CASR: variants seen among roughly 807,000 people sequenced by gnomAD.
CASR encodes the protein calcium sensing receptor, also known as extracellular calcium-sensing receptor.
CASR carries 23 observed loss-of-function variants against 69.1 expected under a neutral mutation model. The observed-to-expected ratio is 0.33, with a 90% CI of 0.24 to 0.47. CASR has a LOEUF of 0.47. Among genes scored for constraint, CASR ranks in the 20% least tolerant of loss-of-function variants. CASR has a pLI of 1.00. For synonymous variants in CASR, 541 were observed against 544.7 expected (o/e 0.99, Z 0.10); for missense variants, 924 against 1,356.1 (o/e 0.68, Z 5.00).
intron 3 of CASR, among the ~76,000 whole-genome samples, chr3:122,260,090 G>A (rs2074602214): frequency 1.3e-5 from 2 of 152,086 alleles, no homozygotes; most frequent in South Asian, 4.2e-4. Flanking sequence ...TTCCTAAGTG[G>A]TGAGCCATGA....
chr3:122,229,388 C>T (rs1350707059), intron 1 of CASR, among the ~76,000 whole-genome samples: 1 of 152,228 alleles, frequency 6.6e-6, no homozygotes, highest in Non-Finnish European at 1.5e-5. Context: ...CCACAGAAGT[C>T]TATACCCTTC....
intron 4 of CASR, among the ~76,000 whole-genome samples, chr3:122,263,756 G>A (rs2074655169): frequency 6.6e-6 from 1 of 152,272 alleles, no homozygotes; most frequent in Admixed American, 6.5e-5. Context: ...CTTCTGTGGG[G>A]TACTCAGAGC....
chr3:122,252,109 A>G (rs983406392), intron 1 of CASR, among the ~76,000 whole-genome samples: 4 of 152,142 alleles, frequency 2.6e-5, no homozygotes, highest in African/African-American at 9.6e-5. Context: ...GCTGTGGACA[A>G]CAGAGTGAGA....
chr3:122,274,681 C>T (rs538807952), intron 4 of CASR, among the ~76,000 whole-genome samples: 2 of 152,192 alleles, frequency 1.3e-5, no homozygotes, highest in South Asian at 2.1e-4. Flanking sequence ...GCAGGATGGT[C>T]GATTGAGCCC....
At chr3:122,242,357 C>A (rs533419719) in intron 1 of CASR, among the ~76,000 whole-genome samples, 1 of 152,142 alleles carries the variant, frequency 6.6e-6, no homozygotes, top group Non-Finnish European at 1.5e-5. Context: ...AATCAACATA[C>A]AAAAACTAGT....
chr3:122,255,757 G>A (rs1241754579), intron 2 of CASR, among the ~76,000 whole-genome samples: 1 of 152,110 alleles, frequency 6.6e-6, no homozygotes, highest in Admixed American at 6.6e-5. Flanking sequence ...AATACATGAA[G>A]GAAACTTAAA....
chr3:122,221,580 A>G (rs534271382), intron 1 of CASR, among the ~76,000 whole-genome samples: 2 of 152,332 alleles, frequency 1.3e-5, no homozygotes, highest in Admixed American at 6.5e-5. Flanking sequence ...CTGAACCCCA[A>G]ACTCAGTGAA....
intron 1 of CASR, among the ~76,000 whole-genome samples, chr3:122,245,941 C>T (rs2074423514): frequency 6.6e-6 from 1 of 152,176 alleles, no homozygotes; most frequent in Non-Finnish European, 1.5e-5. Context: ...AAACTGTGCA[C>T]TGACAAATCG....
intron 2 of CASR, among the ~76,000 whole-genome samples, chr3:122,255,902 T>C (rs1235515083): frequency 4.8e-5 from 1 of 20,740 alleles, no homozygotes; most frequent in Non-Finnish European, 1.8e-4. Context: ...AAACCCACAA[T>C]ATAAAGAACC....
At chr3:122,245,606 C>T (rs1276129101) in intron 1 of CASR, among the ~76,000 whole-genome samples, 1 of 151,698 alleles carries the variant, frequency 6.6e-6, no homozygotes, top group Non-Finnish European at 1.5e-5. Flanking sequence ...GCACGTTGTG[C>T]CAATGTACCC....
chr3:122,244,864 A>G (rs1231713427), intron 1 of CASR, among the ~76,000 whole-genome samples: 1 of 152,228 alleles, frequency 6.6e-6, no homozygotes, highest in Non-Finnish European at 1.5e-5. Flanking sequence ...TTTTCAAAAT[A>G]TATTTCAAAG....
At chr3:122,186,429 A>G (rs771699369) in intron 1 of CASR, among the ~76,000 whole-genome samples, 19 of 152,218 alleles carry the variant, frequency 1.2e-4, no homozygotes, top group Non-Finnish European at 2.2e-4. Flanking sequence ...GAGGAGTTGC[A>G]TATAATTCTT....
chr3:122,267,253 G>A (rs959359538), intron 4 of CASR, among the ~76,000 whole-genome samples: 1 of 152,138 alleles, frequency 6.6e-6, no homozygotes, highest in Non-Finnish European at 1.5e-5. Context: ...AAATATTAAA[G>A]ATGTTTAAAG....
intron 1 of CASR, among the ~76,000 whole-genome samples, chr3:122,227,856 T>C (rs769796259): frequency 2.6e-5 from 4 of 152,226 alleles, no homozygotes; most frequent in Non-Finnish European, 2.9e-5. Flanking sequence ...AACAAACCTG[T>C]ATGTGTACTC....
chr3:122,216,254 G>A (rs1182702691), intron 1 of CASR, among the ~76,000 whole-genome samples: 1 of 152,158 alleles, frequency 6.6e-6, no homozygotes. Context: ...TCCTTGGGCT[G>A]CACGTTTGTC....
intron 1 of CASR, among the ~76,000 whole-genome samples, chr3:122,244,769 GAGAA>G (rs2074410936): frequency 6.6e-6 from 1 of 152,102 alleles, no homozygotes; most frequent in African/African-American, 2.4e-5. Flanking sequence ...TTAAGAGTGA[GAGAA>G]AGATAAGGGA....
intron 1 of CASR, among the ~76,000 whole-genome samples, chr3:122,225,069 A>T (rs1032022996): frequency 6.6e-6 from 1 of 152,206 alleles, no homozygotes; most frequent in South Asian, 2.1e-4. Flanking sequence ...AATTATCTCA[A>T]GTTGGATTAA....
At chr3:122,280,575 G>A (rs955405355) in intron 5 of CASR, among the ~76,000 whole-genome samples, 1 of 152,140 alleles carries the variant, frequency 6.6e-6, no homozygotes, top group Admixed American at 6.5e-5. Context: ...GATGTGAGTT[G>A]TCCTTTTCCC....
At chr3:122,186,016 C>T (rs1465328928) in intron 1 of CASR, among the ~76,000 whole-genome samples, 3 of 151,896 alleles carry the variant, frequency 2.0e-5, no homozygotes, top group African/African-American at 7.3e-5. Context: ...TGTTCCAAGA[C>T]TTCTATGCTA....
Sources: allele counts gnomAD v4.1 joint callset (sites outside exome capture counted in the v4.1 genomes callset), GRCh38; gene constraint gnomAD v4.1.1; transcripts MANE v1.5; gene names NCBI Gene and HGNC (gene_info 2026-07-23, HGNC 2026-07-21).